Variants in SORCS3 observed in about 807,000 individuals in gnomAD.
SORCS3 encodes sortilin related VPS10 domain containing receptor 3.
Under a neutral mutation model 146.3 loss-of-function variants are expected in SORCS3, and 57 were observed. The ratio of observed to expected loss-of-function variants is 0.39; its 90% CI spans 0.31 to 0.49. SORCS3 has a LOEUF of 0.49. Ranked by LOEUF, SORCS3 falls within the 20% of genes least tolerant of loss-of-function variation. The pLI, the probability that SORCS3 is intolerant of heterozygous loss-of-function variation, is 0.92. For synonymous variants in SORCS3, 653 were observed against 618.5 expected, an observed-to-expected ratio of 1.06 and a Z score of -0.83; for missense variants, 1,341 against 1,575.5, an observed-to-expected ratio of 0.85 and a Z score of 2.52.
At chr10:105,221,577 A>G (rs913274227) in intron 19 of SORCS3, among the ~76,000 whole-genome samples, 4 of 152,318 alleles carry the variant, frequency 2.6e-5, no homozygotes, top group African/African-American at 9.6e-5. Context: ...AAAGGAAAAA[A>G]TCATATGGGT....
chr10:105,228,357 T>C (rs1457505002), intron 20 of SORCS3, among the ~76,000 whole-genome samples: 1 of 151,694 alleles, frequency 6.6e-6, no homozygotes, highest in African/African-American at 2.4e-5. Context: ...TTTCTTTCCC[T>C]TTCTTTCTTT....
intron 1 of SORCS3, among the ~76,000 whole-genome samples, chr10:104,755,380 AT>A (rs1327587790): frequency 6.6e-6 from 1 of 152,210 alleles, no homozygotes; most frequent in East Asian, 1.9e-4. Context: ...ACTTATCCAT[AT>A]GTGAATTTTC....
At chr10:104,971,803 A>G (rs1041499488) in intron 3 of SORCS3, among the ~76,000 whole-genome samples, 2 of 152,198 alleles carry the variant, frequency 1.3e-5, no homozygotes, top group African/African-American at 2.4e-5. Context: ...AAAATTGAGT[A>G]TCCAAATGAA....
chr10:105,131,078 G>A (rs1483757571), intron 7 of SORCS3, among the ~76,000 whole-genome samples: 1 of 151,962 alleles, frequency 6.6e-6, no homozygotes, highest in Non-Finnish European at 1.5e-5. Context: ...AGACTCCTAT[G>A]GTCCAATATT....
rs559238784 is a variant in SORCS3, at chr10:105,116,365, G to A, written c.1212+10850G>A. ...GTTACCTATTCTGGTGCAGATACAA[G>A]TCTTGAAGGTGCCAAAAATCTGGGA... On this transcript the variant is annotated intron_variant, in intron 7 of 26. Coordinates refer to ENST00000369701, the MANE Select transcript of SORCS3 (RefSeq NM_014978.3). 4.5e-4 allele frequency among the ~76,000 whole-genome samples: 68 copies of A among 152,266 alleles called. 1 individual carries two copies. The highest frequency in any genetic ancestry group is 2.6e-3 in the Admixed American group (40 of 15,282).
At chr10:104,870,101 C>A (rs145158522) in intron 2 of SORCS3, among the ~76,000 whole-genome samples, 1 of 152,198 alleles carries the variant, frequency 6.6e-6, no homozygotes, top group Non-Finnish European at 1.5e-5. Context: ...TCTGTTCTCA[C>A]GGAATTGATG....
chr10:105,119,712 C>T (rs113325076), intron 7 of SORCS3, among the ~76,000 whole-genome samples: 1,536 of 152,246 alleles, frequency 0.01, 18 homozygotes, highest in African/African-American at 0.027. Flanking sequence ...TATTGGATTT[C>T]GGACTTGCAT....
intron 5 of SORCS3, among the ~76,000 whole-genome samples, chr10:105,066,837 C>G (rs2055526096): frequency 6.6e-6 from 1 of 152,084 alleles, no homozygotes; most frequent in Non-Finnish European, 1.5e-5. Flanking sequence ...CATCTTCCTT[C>G]CAGGAATCAT....
chr10:104,751,483 G>T (rs2016982544), intron 1 of SORCS3, among the ~76,000 whole-genome samples: 2 of 152,174 alleles, frequency 1.3e-5, no homozygotes, highest in Non-Finnish European at 2.9e-5. Context: ...CTCTCATCCA[G>T]ATGAAACAAA....
intron 20 of SORCS3, among the ~76,000 whole-genome samples, chr10:105,228,655 T>A (rs2056748699): frequency 6.6e-6 from 1 of 152,186 alleles, no homozygotes; most frequent in South Asian, 2.1e-4. Flanking sequence ...TCCTTTCAGC[T>A]GTTTGAATAT....
intron 7 of SORCS3, among the ~76,000 whole-genome samples, chr10:105,125,025 A>G (rs886304401): frequency 6.6e-6 from 1 of 152,160 alleles, no homozygotes; most frequent in African/African-American, 2.4e-5. Flanking sequence ...TCATTATTTC[A>G]TTGTGCTACA....
intron 2 of SORCS3, among the ~76,000 whole-genome samples, chr10:104,913,618 A>G (rs2018993106): frequency 6.6e-6 from 1 of 152,174 alleles, no homozygotes; most frequent in African/African-American, 2.4e-5. Context: ...TGTGCTGTAC[A>G]TTTTGGAGAA....
At chr10:104,671,615 G>T (rs905170191) in intron 1 of SORCS3, among the ~76,000 whole-genome samples, 1 of 151,796 alleles carries the variant, frequency 6.6e-6, no homozygotes, top group Non-Finnish European at 1.5e-5. Flanking sequence ...TGGGATCACA[G>T]GTGTGAGCCA....
At chr10:105,120,386 A>G (rs1589643228) in intron 7 of SORCS3, among the ~76,000 whole-genome samples, 1 of 152,120 alleles carries the variant, frequency 6.6e-6, no homozygotes, top group Non-Finnish European at 1.5e-5. Context: ...AGACTAATAC[A>G]CTTTCTCTTT....
chr10:105,259,292 T>A (rs1438016125), intron 25 of SORCS3, among the ~76,000 whole-genome samples: 7 of 152,234 alleles, frequency 4.6e-5, no homozygotes, highest in Non-Finnish European at 8.8e-5. Flanking sequence ...CACAGTTTAG[T>A]GTAAAGACAT....
chr10:104,995,869 C>G (rs1164694986), intron 4 of SORCS3, among the ~76,000 whole-genome samples: 1 of 152,134 alleles, frequency 6.6e-6, no homozygotes, highest in Non-Finnish European at 1.5e-5. Context: ...CTTTTACTAG[C>G]TGCTATTATA....
chr10:105,179,893 A>G (rs904544600), intron 14 of SORCS3, among the ~76,000 whole-genome samples: 1 of 152,220 alleles, frequency 6.6e-6, no homozygotes, highest in African/African-American at 2.4e-5. Flanking sequence ...CGTTGAATTG[A>G]AAACTTATTA....
chr10:104,850,376 A>T (rs987557617), intron 2 of SORCS3, among the ~76,000 whole-genome samples: 3 of 152,220 alleles, frequency 2.0e-5, no homozygotes, highest in Admixed American at 2.0e-4. Context: ...TGAGCTCATG[A>T]GTTCGAGACC....
chr10:104,957,554 A>AACACAC (rs10660859), intron 3 of SORCS3, among the ~76,000 whole-genome samples: 63 of 148,466 alleles, frequency 4.2e-4, no homozygotes, highest in African/African-American at 7.7e-4. Flanking sequence ...AAGGAAAGAA[A>AACACAC]ACACACACAC....
Sources: allele counts gnomAD v4.1 joint callset (sites outside exome capture counted in the v4.1 genomes callset), GRCh38; gene constraint gnomAD v4.1.1; transcripts MANE v1.5; gene names NCBI Gene and HGNC (gene_info 2026-07-23, HGNC 2026-07-21).